Variants in GFUS observed in about 807,000 individuals in gnomAD.
The protein encoded by GFUS is 3-5 epimerase/4-reductase.
GFUS carries 42 observed loss-of-function variants against 41.5 expected under a neutral mutation model. The observed-to-expected ratio is 1.01, with a 90% CI of 0.79 to 1.31. GFUS has a LOEUF of 1.31. Among genes scored for constraint, GFUS ranks in the 50% most tolerant of loss-of-function variants. The probability of loss-of-function intolerance (pLI) is 0.00; values close to 1 mark genes in which losing one functional copy is unlikely to be tolerated. For synonymous variants in GFUS, 188 were observed against 173.4 expected, an observed-to-expected ratio of 1.08 and a Z score of -0.66; for missense variants, 437 against 428.7, an observed-to-expected ratio of 1.02 and a Z score of -0.17.
chr8:143,616,300 G>A, intron 2 of GFUS, 80 bp from the exon 3 acceptor site: 1 of 1,391,296 alleles, frequency 7.2e-7, no homozygotes, highest in Non-Finnish European at 1.0e-6. Flanking sequence ...GAACTGGGTG[G>A]GACTATGGCA....
chr8:143,616,869 C>T (rs1563688923), intron 1 of GFUS, 146 bp from the exon 2 acceptor site: 3 of 947,646 alleles, frequency 3.2e-6, no homozygotes, highest in Non-Finnish European at 4.7e-6. Context: ...GACCGAGGCA[C>T]TCCCTCGTCG....
At chr8:143,617,735 C>T (rs6558378), upstream of GFUS, among the ~76,000 whole-genome samples, 1 of 151,930 alleles carries the variant, frequency 6.6e-6, no homozygotes, top group South Asian at 2.1e-4. Context: ...ACCTCTTTAG[C>T]CCGCGGGGCG....
At chr8:143,616,395 GT>G in intron 2 of GFUS, 171 bp downstream of exon 2, 2 of 1,226,944 alleles carry the variant, frequency 1.6e-6, no homozygotes, top group South Asian at 1.2e-5. Context: ...GAGGGTGTTT[GT>G]TTTTCCAGGA....
intron 5 of GFUS, 34 bp from the exon 6 acceptor site, chr8:143,614,487 G>T (rs756305377): frequency 1.3e-6 from 2 of 1,589,906 alleles, no homozygotes; most frequent in Non-Finnish European, 1.7e-6. Context: ...CCCTCGTCCT[G>T]GGCCCGCGAT....
rs1036037863 is a variant in GFUS at position 143,617,482 on chromosome 8, AGCCCCACCGCCG to A, written c.-32_-21del. The stretch of plus-strand genomic sequence containing the variant: ...GTCCGGTGCCACCTCACCTGCGTCC[AGCCCCACCGCCG>A]GCTCCCCGACAGCGGCTTCCGGCCG... On this transcript the variant is annotated 5_prime_UTR_variant, in exon 1 of 11. Transcript: ENST00000425753. 1.3e-5 allele frequency: 2 copies of A among 152,248 alleles called. No individual in the cohort carries two copies. The highest frequency in any genetic ancestry group is 2.9e-5 in the Non-Finnish European group (2 of 68,072). 9.4% of individuals were successfully genotyped at this position (152,248 alleles called of 1,614,324 possible). A position where few individuals can be genotyped will look rare whatever the true frequency, so the allele number is the denominator to read the frequency against.
chr8:143,612,836 G>A lies in GFUS; in HGVS notation c.*74C>T. 2 of 1,532,566 alleles carry A rather than the reference G, an allele frequency of 1.3e-6. No individual in the cohort carries two copies. Among genetic ancestry groups the A allele is most frequent in the Non-Finnish European group, 1.8e-6 (2 of 1,136,058 alleles). 94.9% of individuals were successfully genotyped at this position (1,532,566 alleles called of 1,614,324 possible). A position where few individuals can be genotyped will look rare whatever the true frequency, so the allele number is the denominator to read the frequency against. ...TGCTGGGTGGTGCCCTCAGCTCCTG[G>A]CAGGGTTGACGGGTGGTGGCCGCTG... On this transcript the variant is annotated 3_prime_UTR_variant, in exon 11 of 11. Coordinates refer to ENST00000425753, the MANE Select transcript of GFUS (RefSeq NM_003313.4).
intron 2 of GFUS, 83 bp from the exon 3 acceptor site, chr8:143,616,303 C>A: frequency 2.9e-6 from 4 of 1,377,224 alleles, no homozygotes; most frequent in Non-Finnish European, 4.1e-6. Flanking sequence ...CTGGGTGGGA[C>A]TATGGCAGGA....
Position 143,616,678 on chromosome 8 carries a change from A to C in GFUS, c.35T>G (p.Val12Gly). 2 of 1,613,492 alleles carry C rather than the reference A, an allele frequency of 1.2e-6. No homozygotes were observed. Among genetic ancestry groups the C allele is most frequent in the Non-Finnish European group, 1.7e-6 (2 of 1,179,916 alleles). ...GCCTACCAGCCCAGAGCCCCCTGTC[A>C]CTAGAATCCGCATGGATCCCTGGGG... ...GEPQGSMRIL[V>G]TGGSGLVGKA... The change falls in exon 2 of 11, where the codon GTG (valine) becomes GGG (glycine). Residue 12 changes from valine to glycine, a missense_variant. Physicochemically the swap from Val to Gly is moderately radical, Grantham distance 109. Transcript: ENST00000425753.
rs771241424 is a variant in GFUS at position 143,616,675 on chromosome 8, G to T, written c.38C>A (p.Thr13Lys). ...EPQGSMRILVTGGSGLVGKAI... is the reference protein window; with the variant it reads ...EPQGSMRILVKGGSGLVGKAI... ...TTTGCCTACCAGCCCAGAGCCCCCT[G>T]TCACTAGAATCCGCATGGATCCCTG... The change falls in exon 2 of 11, where the codon ACA (threonine) becomes AAA (lysine). Residue 13 changes from threonine to lysine, a missense_variant. Transcript: ENST00000425753. 6.2e-7 allele frequency: 1 copy of T among 1,613,808 alleles called. No homozygotes were observed. Among genetic ancestry groups the T allele is most frequent in the Non-Finnish European group, 8.5e-7 (1 of 1,180,014 alleles).
intron 3 of GFUS, 196 bp downstream of exon 3, chr8:143,615,910 G>A (rs982535864): frequency 4.0e-6 from 2 of 495,960 alleles, no homozygotes; most frequent in Admixed American, 7.3e-5. Flanking sequence ...CCCCCTGCAT[G>A]GCCCTCTGTC....
chr8:143,614,537 A>G, intron 5 of GFUS, 84 bp from the exon 6 acceptor site: 2 of 1,560,618 alleles, frequency 1.3e-6, no homozygotes, highest in Admixed American at 3.5e-5. Flanking sequence ...TGAGGCTGGC[A>G]CGAAGACCCG....
chr8:143,612,998 G>T, intron 10 of GFUS, 33 bp from the exon 11 acceptor site: 1 of 1,602,600 alleles, frequency 6.2e-7, no homozygotes. Flanking sequence ...GCCATGGACA[G>T]GGAGGGTCGG....
At chr8:143,615,571 T>A (rs1458147887) in intron 3 of GFUS, among the ~76,000 whole-genome samples, 1 of 152,154 alleles carries the variant, frequency 6.6e-6, no homozygotes, top group African/African-American at 2.4e-5. Context: ...CAAAGCCAGC[T>A]AAGGCAAGGC....
At chr8:143,617,004 C>G in intron 1 of GFUS, 1 of 469,818 alleles carries the variant, frequency 2.1e-6, no homozygotes, top group Non-Finnish European at 3.9e-6. Flanking sequence ...ACATTCTACT[C>G]CCCTCTGACT....
chr8:143,614,132 C>T (rs768658404), intron 7 of GFUS, 32 bp downstream of exon 7: 5 of 1,610,932 alleles, frequency 3.1e-6, no homozygotes, highest in South Asian at 2.2e-5. Flanking sequence ...AGGGCAGGTT[C>T]TCTGGGGAGA....
intron 1 of GFUS, chr8:143,617,025 G>C: frequency 2.5e-6 from 1 of 403,334 alleles, no homozygotes; most frequent in Non-Finnish European, 4.6e-6. Context: ...GACAAGAGGG[G>C]AGGCAGACAA....
intron 9 of GFUS, 100 bp from the exon 10 acceptor site, chr8:143,613,395 G>T: frequency 1.3e-6 from 2 of 1,488,660 alleles, no homozygotes; most frequent in Non-Finnish European, 1.9e-6. Flanking sequence ...CCACAGCAGA[G>T]CTCCTCCGCC....
At position 143,613,754 on chromosome 8, in the gene GFUS, AGAG is replaced by A; in HGVS notation, c.724_726del (p.Leu242del). The A allele has an allele frequency of 6.4e-7, 1 of 1,551,298 alleles. No homozygotes were observed. The highest frequency in any genetic ancestry group is 8.7e-7 in the Non-Finnish European group (1 of 1,147,202). On this transcript the variant is annotated inframe_deletion, in exon 8 of 11. Transcript: ENST00000425753. ...GGCTGAGGGCTGAGGTACCCACCGG[AGAG>A]GATGATGGGCTCCACTTCATTGTAC... is the stretch of plus-strand genomic sequence containing the variant.
chr8:143,616,011 G>T, intron 3 of GFUS, 95 bp downstream of exon 3: 1 of 1,049,766 alleles, frequency 9.5e-7, no homozygotes, highest in Non-Finnish European at 1.4e-6. Flanking sequence ...TTCCTGGGGT[G>T]GGAATGTGGG....
Sources: gnomAD v4.1 joint callset for allele counts (sites outside exome capture counted in the v4.1 genomes callset) on GRCh38, gnomAD v4.1.1 for gene constraint, MANE v1.5 for transcripts, NCBI Gene and HGNC (gene_info 2026-07-23, HGNC 2026-07-21) for gene names.